BICD1: variants seen among roughly 807,000 people sequenced by gnomAD.
BICD1 encodes protein bicaudal D homolog 1.
In BICD1, 35 loss-of-function variants were observed where a neutral mutation model predicts 92.5. That is an observed-to-expected ratio of 0.38 (90% CI 0.29 to 0.50). The LOEUF is 0.50. Among genes scored for constraint, BICD1 ranks in the 20% least tolerant of loss-of-function variants. The pLI is 0.93. For synonymous variants in BICD1, 429 were observed against 465.1 expected, an observed-to-expected ratio of 0.92 and a Z score of 1.00; for missense variants, 950 against 1,189.8, an observed-to-expected ratio of 0.80 and a Z score of 2.97.
At chr12:32,121,868 C>CAAT (rs1942165674) in intron 1 of BICD1, among the ~76,000 whole-genome samples, 1 of 148,816 alleles carries the variant, frequency 6.7e-6, no homozygotes, top group South Asian at 2.1e-4. Context: ...GGCTGGAGTG[C>CAAT]AATGGTGCAA....
chr12:32,246,965 A>T (rs145722196), intron 2 of BICD1, among the ~76,000 whole-genome samples: 1 of 152,204 alleles, frequency 6.6e-6, no homozygotes, highest in East Asian at 1.9e-4. Flanking sequence ...TTAGTTCAAG[A>T]TGCCTGTTAT....
intron 4 of BICD1, among the ~76,000 whole-genome samples, chr12:32,310,758 T>C (rs1948350338): frequency 6.6e-6 from 1 of 152,186 alleles, no homozygotes; most frequent in African/African-American, 2.4e-5. Context: ...GTATGTCAGG[T>C]CATGCATGTC....
intron 2 of BICD1, among the ~76,000 whole-genome samples, chr12:32,221,335 A>G (rs1308503851): frequency 2.0e-5 from 3 of 147,028 alleles, no homozygotes; most frequent in African/African-American, 2.6e-5. Flanking sequence ...AATAAACGTT[A>G]TCTGTATCAC....
intron 4 of BICD1, among the ~76,000 whole-genome samples, chr12:32,322,397 C>A (rs190694633): frequency 3.5e-4 from 53 of 152,186 alleles, no homozygotes; most frequent in Admixed American, 2.9e-3. Flanking sequence ...AGATAGGGTG[C>A]GGGTGGTCTG....
rs141607338 is a variant in BICD1 at position 32,251,577 on chromosome 12, A to G, written c.426+35118A>G. Among the ~76,000 whole-genome samples, 48 of 152,264 alleles carry G rather than the reference A, an allele frequency of 3.2e-4. No individual in the cohort carries two copies. In the East Asian group the frequency reaches 8.3e-3, roughly 26 times the overall value. On this transcript the variant is annotated intron_variant, in intron 2 of 9. Transcript: ENST00000652176. ...AAATGTTTAATGCTCCTTGATTTTT[A>G]TCACCTAATTGTATATTTTCTAGAA...
chr12:32,261,887 T>A, intron 2 of BICD1, among the ~76,000 whole-genome samples: 1 of 152,208 alleles, frequency 6.6e-6, no homozygotes. Flanking sequence ...AAATGGCGAA[T>A]GCCTTGACAG....
chr12:32,220,546 A>G (rs1190804073), intron 2 of BICD1, among the ~76,000 whole-genome samples: 3 of 151,510 alleles, frequency 2.0e-5, no homozygotes, highest in Non-Finnish European at 4.4e-5. Flanking sequence ...ACAATGAGAT[A>G]CCATCTCACA....
intron 1 of BICD1, among the ~76,000 whole-genome samples, chr12:32,115,386 G>GTTTTTTTTTTTT (rs149711623): frequency 7.2e-5 from 7 of 97,726 alleles, no homozygotes; most frequent in African/African-American, 1.2e-4. Flanking sequence ...TGGTGTTTTT[G>GTTTTTTTTTTTT]GTTTTTTTTT....
At position 32,327,626 on chromosome 12, in the gene BICD1, C is replaced by T. The variant is rs763253358; in HGVS notation, c.1171C>T (p.Leu391=). The T allele has an allele frequency of 2.4e-5, 38 of 1,614,040 alleles. No homozygotes were observed. Among genetic ancestry groups the T allele is most frequent in the Non-Finnish European group, 3.1e-5 (37 of 1,179,992 alleles). Residue 391 remains leucine (L), a synonymous_variant, in exon 5 of 10, where the codon CTG becomes TTG. Coordinates refer to ENST00000652176, the MANE Select transcript of BICD1 (RefSeq NM_001714.4). ...LQSSKELKAE[L]DGEKGRDSGE... The stretch of plus-strand genomic sequence containing the variant: ...AAGCAGCAAGGAGCTCAAGGCTGAG[C>T]TGGACGGGGAGAAGGGCCGGGACTC...
At chr12:32,335,538 A>G (rs1489799146) in intron 6 of BICD1, among the ~76,000 whole-genome samples, 1 of 151,576 alleles carries the variant, frequency 6.6e-6, no homozygotes, top group Non-Finnish European at 1.5e-5. Context: ...TACTGTTGAA[A>G]TACATTTTTT....
At chr12:32,251,988 T>TC (rs1565619061) in intron 2 of BICD1, among the ~76,000 whole-genome samples, 1 of 131,750 alleles carries the variant, frequency 7.6e-6, no homozygotes, top group African/African-American at 2.9e-5. Context: ...ACTATATATA[T>TC]AATATATTTA....
chr12:32,375,730 C>T (rs944585341), intron 9 of BICD1, among the ~76,000 whole-genome samples: 7 of 152,076 alleles, frequency 4.6e-5, no homozygotes, highest in Admixed American at 3.9e-4. Context: ...AAAGAATAAC[C>T]TCAAGCCAGT....
intron 1 of BICD1, among the ~76,000 whole-genome samples, chr12:32,115,386 G>GTTTTTTTTTTTTTTTTTTTCT (rs149711623): frequency 1.0e-5 from 1 of 97,746 alleles, no homozygotes; most frequent in Admixed American, 9.5e-5. Flanking sequence ...TGGTGTTTTT[G>GTTTTTTTTTTTTTTTTTTTCT]GTTTTTTTTT....
At chr12:32,206,144 A>G (rs180991670) in intron 1 of BICD1, among the ~76,000 whole-genome samples, 78 of 152,334 alleles carry the variant, frequency 5.1e-4, no homozygotes, top group African/African-American at 1.9e-3. Flanking sequence ...TTTGGCTGCT[A>G]TGAACATTTG....
At chr12:32,187,822 TCA>T (rs1259670655) in intron 1 of BICD1, among the ~76,000 whole-genome samples, 1 of 152,246 alleles carries the variant, frequency 6.6e-6, no homozygotes, top group African/African-American at 2.4e-5. Context: ...ACCTCCCACA[TCA>T]CACAATATAT....
chr12:32,165,867 A>G (rs1303124965), intron 1 of BICD1, among the ~76,000 whole-genome samples: 4 of 152,132 alleles, frequency 2.6e-5, no homozygotes, highest in Non-Finnish European at 5.9e-5. Context: ...CCTCAAAACC[A>G]TAGAGAAGTA....
chr12:32,301,915 C>G (rs1948058356), intron 3 of BICD1, among the ~76,000 whole-genome samples: 1 of 152,100 alleles, frequency 6.6e-6, no homozygotes, highest in Non-Finnish European at 1.5e-5. Flanking sequence ...TAGACGGAGT[C>G]TTGCTCTGTC....
chr12:32,130,813 G>A lies in BICD1; in HGVS notation c.213+23269G>A, dbSNP rs958703299. 6.6e-5 allele frequency among the ~76,000 whole-genome samples: 10 copies of A among 152,104 alleles called. No homozygotes were observed. In the South Asian group the frequency reaches 1.7e-3, roughly 25 times the overall value. On this transcript the variant is annotated intron_variant, in intron 1 of 9. Coordinates refer to ENST00000652176, the MANE Select transcript of BICD1 (RefSeq NM_001714.4). ...ACATATCTTTCCAGGCTTCTATATA[G>A]TTAAATAAATAATGCTCCTTGACAT...
At chr12:32,239,074 G>A (rs1288186366) in intron 2 of BICD1, among the ~76,000 whole-genome samples, 1 of 145,554 alleles carries the variant, frequency 6.9e-6, no homozygotes, top group Non-Finnish European at 1.5e-5. Context: ...GCGAAACCCC[G>A]TCTCTACTAA....
Sources: allele counts gnomAD v4.1 joint callset (sites outside exome capture counted in the v4.1 genomes callset), GRCh38; gene constraint gnomAD v4.1.1; transcripts MANE v1.5; gene names NCBI Gene and HGNC (gene_info 2026-07-23, HGNC 2026-07-21).